Variants in MRPL1 observed in about 807,000 individuals in gnomAD.
The protein encoded by MRPL1 is mitochondrial ribosomal protein L1.
In MRPL1, 28 loss-of-function variants were observed where a neutral mutation model predicts 38.0. That is an observed-to-expected ratio of 0.74 (90% CI 0.55 to 1.01). The LOEUF is 1.01. Among genes scored for constraint, MRPL1 ranks in the 50% least tolerant of loss-of-function variants. The probability of loss-of-function intolerance (pLI) is 0.00; values close to 1 mark genes in which losing one functional copy is unlikely to be tolerated. For missense variants in MRPL1, 358 were observed against 389.8 expected, an observed-to-expected ratio of 0.92 and a Z score of 0.69; for synonymous variants, 123 against 126.7, an observed-to-expected ratio of 0.97 and a Z score of 0.20.
At chr4:77,940,779 T>A (rs1205812054) in intron 7 of MRPL1, among the ~76,000 whole-genome samples, 3 of 152,184 alleles carry the variant, frequency 2.0e-5, no homozygotes, top group African/African-American at 7.2e-5. Context: ...GTTAAATGCT[T>A]TTTTCTGCAT....
At chr4:77,889,120 A>G (rs1248776536) in intron 5 of MRPL1, among the ~76,000 whole-genome samples, 1 of 152,230 alleles carries the variant, frequency 6.6e-6, no homozygotes, top group East Asian at 1.9e-4. Flanking sequence ...TCAGCTCTGC[A>G]CCAAGCAGAC....
intron 7 of MRPL1, among the ~76,000 whole-genome samples, chr4:77,946,663 T>A (rs1220139620): frequency 6.6e-6 from 1 of 152,222 alleles, no homozygotes; most frequent in African/African-American, 2.4e-5. Flanking sequence ...TCCTCTGCCA[T>A]GGCTCCAGCC....
At chr4:77,946,017 A>G (rs1020933149) in intron 7 of MRPL1, among the ~76,000 whole-genome samples, 2 of 152,126 alleles carry the variant, frequency 1.3e-5, no homozygotes, top group Admixed American at 6.5e-5. Context: ...TCTGACCTCA[A>G]ATTCACCAGG....
In MRPL1 at chr4:77,881,764, C is replaced by G. The variant is rs114197707; in HGVS notation, c.144-1478C>G. ...CCCAGTATTTAGCTTGACAAGTATT[C>G]TCTAATCTGCCATCTTTTCCAGTCT... On this transcript the variant is annotated intron_variant, in intron 2 of 8. Transcript: ENST00000315567. Among the ~76,000 whole-genome samples the G allele has an allele frequency of 3.7e-3, 559 of 152,266 alleles. 2 individuals carry two copies. Among genetic ancestry groups the G allele is most frequent in the African/African-American group, 0.012 (515 of 41,564 alleles).
chr4:77,915,254 G>A (rs1167340321), intron 7 of MRPL1, among the ~76,000 whole-genome samples: 1 of 152,114 alleles, frequency 6.6e-6, no homozygotes, highest in Non-Finnish European at 1.5e-5. Flanking sequence ...GCTAAATATG[G>A]TCAGTTGAAT....
At chr4:77,950,131 A>C (rs909626101) in intron 8 of MRPL1, among the ~76,000 whole-genome samples, 20 of 152,222 alleles carry the variant, frequency 1.3e-4, no homozygotes, top group African/African-American at 3.9e-4. Context: ...TATTACTAAT[A>C]ATAGATGTAG....
intron 5 of MRPL1, among the ~76,000 whole-genome samples, chr4:77,887,859 G>GATT (rs776923243): frequency 2.0e-5 from 3 of 151,860 alleles, no homozygotes; most frequent in East Asian, 3.9e-4. Flanking sequence ...TTATTATTGT[G>GATT]ATTATTATTA....
chr4:77,923,787 A>C (rs1009925563), intron 7 of MRPL1, among the ~76,000 whole-genome samples: 24 of 152,096 alleles, frequency 1.6e-4, no homozygotes, highest in African/African-American at 5.1e-4. Flanking sequence ...AAATAAAAAA[A>C]TTAGCCAGAC....
chr4:77,910,190 A>T (rs188534916), intron 7 of MRPL1, among the ~76,000 whole-genome samples: 86 of 152,302 alleles, frequency 5.6e-4, no homozygotes, highest in African/African-American at 2.0e-3. Context: ...GAAGTTAAGT[A>T]ACTTTTCCAA....
chr4:77,952,098 C>A (rs867032389), intron 8 of MRPL1, among the ~76,000 whole-genome samples: 2 of 152,302 alleles, frequency 1.3e-5, no homozygotes, highest in Middle Eastern at 3.4e-3. Flanking sequence ...GCGCTTCTTA[C>A]AGTTTTCACT....
At chr4:77,871,606 T>C (rs532967346) in intron 1 of MRPL1, 138 bp from the exon 2 acceptor site, 7 of 530,244 alleles carry the variant, frequency 1.3e-5, no homozygotes, top group Non-Finnish European at 2.3e-5. Context: ...GCCTGGCTAT[T>C]ATTACACTTT....
At chr4:77,871,690 T>A (rs1212355564) in intron 1 of MRPL1, 54 bp from the exon 2 acceptor site, 10 of 821,388 alleles carry the variant, frequency 1.2e-5, no homozygotes, top group South Asian at 1.9e-5. Flanking sequence ...AATTAAAAAA[T>A]TATGAATATA....
intron 7 of MRPL1, among the ~76,000 whole-genome samples, chr4:77,917,192 C>G (rs1481665961): frequency 6.6e-6 from 1 of 152,134 alleles, no homozygotes; most frequent in East Asian, 1.9e-4. Flanking sequence ...CTCTTATTCT[C>G]CACAACTCTC....
chr4:77,923,583 T>C (rs889846273), intron 7 of MRPL1, among the ~76,000 whole-genome samples: 1 of 152,116 alleles, frequency 6.6e-6, no homozygotes, highest in African/African-American at 2.4e-5. Context: ...GCCACTATCA[T>C]AGTAAAAAAT....
At chr4:77,929,700 G>A (rs191794758) in intron 7 of MRPL1, among the ~76,000 whole-genome samples, 69 of 151,824 alleles carry the variant, frequency 4.5e-4, no homozygotes, top group South Asian at 2.1e-4. Context: ...ACAGAGGCTG[G>A]CAAACAATGG....
At chr4:77,887,499 T>G (rs1057208267) in intron 5 of MRPL1, among the ~76,000 whole-genome samples, 7 of 151,914 alleles carry the variant, frequency 4.6e-5, no homozygotes, top group African/African-American at 1.7e-4. Context: ...TTTTGTGTGT[T>G]TGTGTTTATT....
rs1341803167 is a variant in MRPL1, at chr4:77,949,898, T to C, written c.859+20T>C. The C allele has an allele frequency of 2.7e-6, 4 of 1,504,038 alleles. No individual in the cohort carries two copies. The highest frequency in any genetic ancestry group is 3.7e-6 in the Non-Finnish European group (4 of 1,087,368). The allele number at this position is 1,504,038 out of a possible 1,614,324, so 93.2% of individuals were successfully genotyped here. A position where few individuals can be genotyped will look rare whatever the true frequency, so the allele number is the denominator to read the frequency against. On this transcript the variant is annotated intron_variant, in intron 8 of 8. Coordinates refer to ENST00000315567, the MANE Select transcript of MRPL1 (RefSeq NM_020236.4). Reference sequence around the variant, plus strand: ...ATTTGGGTAAGTGGTTTGCTGAGGGTAGACTTCCCTATGACCCTGTGAAAC... The same window carrying C: ...ATTTGGGTAAGTGGTTTGCTGAGGGCAGACTTCCCTATGACCCTGTGAAAC...
intron 7 of MRPL1, among the ~76,000 whole-genome samples, chr4:77,945,964 C>A: frequency 6.6e-6 from 1 of 152,150 alleles, no homozygotes. Flanking sequence ...TCTTGATAAA[C>A]ATCTTAAACA....
chr4:77,900,709 AG>A (rs1351407405), intron 6 of MRPL1, among the ~76,000 whole-genome samples: 1 of 152,216 alleles, frequency 6.6e-6, no homozygotes, highest in Non-Finnish European at 1.5e-5. Context: ...CATGGAGATT[AG>A]ATTTTATCCT....
Sources: gnomAD v4.1 joint callset for allele counts (sites outside exome capture counted in the v4.1 genomes callset) on GRCh38, gnomAD v4.1.1 for gene constraint, MANE v1.5 for transcripts, NCBI Gene and HGNC (gene_info 2026-07-23, HGNC 2026-07-21) for gene names.